Variants in ATXN7L1 observed in about 807,000 individuals in gnomAD.
The protein encoded by ATXN7L1 is ataxin 7 like 1, also known as ataxin-7-like protein 1.
A neutral mutation model predicts 70.8 loss-of-function variants in ATXN7L1; 15 were observed. That is an observed-to-expected ratio of 0.21 (90% CI 0.14 to 0.33). The LOEUF (loss-of-function observed/expected upper bound fraction) is 0.33. Among genes scored for constraint, ATXN7L1 ranks in the 10% least tolerant of loss-of-function variants. The pLI is 1.00. For synonymous variants in ATXN7L1, 440 were observed against 445.1 expected (o/e 0.99, Z 0.14); for missense variants, 975 against 1,097.1 (o/e 0.89, Z 1.57).
At chr7:105,643,658 G>A (rs538404389) in intron 4 of ATXN7L1, among the ~76,000 whole-genome samples, 1 of 152,258 alleles carries the variant, frequency 6.6e-6, no homozygotes, top group African/African-American at 2.4e-5. Flanking sequence ...ACGGCGTGCT[G>A]TCGGACGGCT....
At chr7:105,658,882 G>A (rs1028979199) in intron 4 of ATXN7L1, among the ~76,000 whole-genome samples, 3 of 151,988 alleles carry the variant, frequency 2.0e-5, no homozygotes, top group Non-Finnish European at 2.9e-5. Context: ...GGTGGCTCAC[G>A]CCTGTAATCC....
Position 105,788,647 on chromosome 7 carries a change from G to C in ATXN7L1, c.312C>G (p.Ala104=). ...CCTGTGGCTTGACGACCTGGTTACA[G>C]GCACTGCACACTACGAGATAGAAGT... ...HDDFYLVVCS[A]CNQVVKPQVF... The change falls in exon 3 of 12, where the codon GCC becomes GCG. Residue 104 remains alanine, a synonymous_variant. Transcript: ENST00000419735. The C allele has an allele frequency of 6.2e-7, 1 of 1,614,042 alleles. No individual in the cohort carries two copies. Among genetic ancestry groups the C allele is most frequent in the Non-Finnish European group, 8.5e-7 (1 of 1,179,934 alleles).
intron 3 of ATXN7L1, among the ~76,000 whole-genome samples, chr7:105,733,102 G>A (rs1307076661): frequency 6.6e-6 from 1 of 152,118 alleles, no homozygotes; most frequent in Non-Finnish European, 1.5e-5. Flanking sequence ...CCCATTAAAA[G>A]GCGATTTCCA....
At chr7:105,676,097 C>A (rs1804606984) in intron 3 of ATXN7L1, among the ~76,000 whole-genome samples, 1 of 152,126 alleles carries the variant, frequency 6.6e-6, no homozygotes, top group Admixed American at 6.5e-5. Context: ...ACGGACGCGG[C>A]CCTCAGAAGG....
intron 4 of ATXN7L1, among the ~76,000 whole-genome samples, 165 bp downstream of exon 4, chr7:105,664,901 G>A (rs1802384729): frequency 6.6e-6 from 1 of 151,968 alleles, no homozygotes; most frequent in African/African-American, 2.4e-5. Flanking sequence ...TAATATTTAG[G>A]TTTATCTTTC....
chr7:105,854,745 G>GC (rs1436387100), intron 2 of ATXN7L1, among the ~76,000 whole-genome samples: 1 of 152,098 alleles, frequency 6.6e-6, no homozygotes, highest in Non-Finnish European at 1.5e-5. Flanking sequence ...TCAAAGCTTT[G>GC]CAGTTGTAAG....
At chr7:105,638,289 C>T in intron 7 of ATXN7L1, 64 bp downstream of exon 7, 1 of 1,493,688 alleles carries the variant, frequency 6.7e-7, no homozygotes, top group Non-Finnish European at 9.0e-7. Context: ...CCACATGCCA[C>T]AGACCCAGCA....
intron 4 of ATXN7L1, among the ~76,000 whole-genome samples, chr7:105,649,851 C>T (rs773021401): frequency 3.3e-5 from 5 of 152,184 alleles, no homozygotes; most frequent in African/African-American, 7.2e-5. Context: ...TGAGAGTTCT[C>T]AGCTGTCTGA....
intron 7 of ATXN7L1, among the ~76,000 whole-genome samples, chr7:105,627,254 A>C (rs527761154): frequency 6.6e-6 from 1 of 152,270 alleles, no homozygotes; most frequent in African/African-American, 2.4e-5. Flanking sequence ...TAATTTTTAG[A>C]GATAGGATCT....
intron 3 of ATXN7L1, among the ~76,000 whole-genome samples, chr7:105,701,399 C>T (rs1263666439): frequency 2.0e-5 from 3 of 152,122 alleles, no homozygotes; most frequent in African/African-American, 7.2e-5. Context: ...GTACAACACA[C>T]AGACAAACAC....
At chr7:105,670,245 A>G (rs1208317433) in intron 3 of ATXN7L1, among the ~76,000 whole-genome samples, 1 of 152,174 alleles carries the variant, frequency 6.6e-6, no homozygotes, top group Non-Finnish European at 1.5e-5. Context: ...CCTGCTGTAC[A>G]TTACAATCAT....
intron 2 of ATXN7L1, among the ~76,000 whole-genome samples, chr7:105,863,875 A>C (rs967810432): frequency 2.6e-5 from 4 of 151,858 alleles, no homozygotes; most frequent in Non-Finnish European, 5.9e-5. Context: ...CAAAACAAAC[A>C]AAAAAACACA....
intron 9 of ATXN7L1, among the ~76,000 whole-genome samples, chr7:105,619,111 A>G (rs1452926104): frequency 7.2e-6 from 1 of 139,332 alleles, no homozygotes; most frequent in South Asian, 2.3e-4. Context: ...GAAATTAGCA[A>G]TTGGTCCACA....
intron 3 of ATXN7L1, among the ~76,000 whole-genome samples, chr7:105,725,308 C>T (rs1795676165): frequency 6.6e-6 from 1 of 152,152 alleles, no homozygotes; most frequent in Non-Finnish European, 1.5e-5. Context: ...TGGAAGCAAC[C>T]AGACCCCCTC....
intron 2 of ATXN7L1, among the ~76,000 whole-genome samples, chr7:105,870,348 A>G (rs1818074303): frequency 6.6e-6 from 1 of 152,130 alleles, no homozygotes; most frequent in Non-Finnish European, 1.5e-5. Flanking sequence ...AGTGTCATAA[A>G]ATTACAACAA....
chr7:105,685,687 G>T (rs1245243451), intron 3 of ATXN7L1, among the ~76,000 whole-genome samples: 1 of 152,186 alleles, frequency 6.6e-6, no homozygotes, highest in Non-Finnish European at 1.5e-5. Flanking sequence ...GAACCGGCAG[G>T]TGATGAAGGG....
At chr7:105,661,061 A>G (rs1334917862) in intron 4 of ATXN7L1, among the ~76,000 whole-genome samples, 1 of 152,186 alleles carries the variant, frequency 6.6e-6, no homozygotes, top group African/African-American at 2.4e-5. Context: ...TGCAGTGTAC[A>G]GTTGTATAGG....
At chr7:105,825,432 G>T (rs1810731255) in intron 2 of ATXN7L1, among the ~76,000 whole-genome samples, 1 of 151,864 alleles carries the variant, frequency 6.6e-6, no homozygotes, top group Non-Finnish European at 1.5e-5. Context: ...TGTCTGACCA[G>T]CTGGGCCAAA....
intron 2 of ATXN7L1, among the ~76,000 whole-genome samples, chr7:105,837,005 A>T (rs1415702777): frequency 6.6e-6 from 1 of 152,146 alleles, no homozygotes; most frequent in Non-Finnish European, 1.5e-5. Context: ...CATGGTACTG[A>T]CATTGCTCGG....
Sources: allele counts gnomAD v4.1 joint callset (sites outside exome capture counted in the v4.1 genomes callset), GRCh38; gene constraint gnomAD v4.1.1; transcripts MANE v1.5; gene names NCBI Gene and HGNC (gene_info 2026-07-23, HGNC 2026-07-21).